The following TRMT44 variants were observed in gnomAD, a reference collection of about 807,000 sequenced individuals.
TRMT44 encodes tRNA methyltransferase 44 homolog, also known as probable tRNA (uracil-O(2)-)-methyltransferase.
In TRMT44, 78 loss-of-function variants were observed where a neutral mutation model predicts 77.3. The ratio of observed to expected loss-of-function variants is 1.01; its 90% CI spans 0.84 to 1.22. The LOEUF (loss-of-function observed/expected upper bound fraction) is 1.22, where lower values mean the gene tolerates loss of function less well. Ranked by LOEUF, TRMT44 falls within the 50% of genes most tolerant of loss-of-function variation. The pLI, the probability that TRMT44 is intolerant of heterozygous loss-of-function variation, is 0.00. For missense variants in TRMT44, 1,090 were observed against 964.4 expected, an observed-to-expected ratio of 1.13 and a Z score of -1.73; for synonymous variants, 391 against 383.3, an observed-to-expected ratio of 1.02 and a Z score of -0.23.
Position 8,475,842 on chromosome 4 carries a change from G to A in TRMT44, c.2115G>A (p.Ala705=), listed in dbSNP as rs545484043. 9.3e-6 allele frequency: 15 copies of A among 1,614,194 alleles called. No individual in the cohort carries two copies. In the South Asian group the frequency reaches 9.9e-5, roughly 11 times the overall value. Residue 705 remains alanine (A), a synonymous_variant, in exon 11 of 11, where the codon GCG becomes GCA. Transcript: ENST00000389737. The part of the protein sequence containing the change: ...ETLWKTKQPE[A]KQRLLSEACK... ...TGTGGAAGACAAAGCAACCGGAAGC[G>A]AAACAGAGACTGCTCTCTGAAGCCT...
At chr4:8,487,563 C>T (rs765214032) in intron 2 of TRMT44, among the ~76,000 whole-genome samples, 27 of 148,268 alleles carry the variant, frequency 1.8e-4, no homozygotes, top group Admixed American at 7.4e-4. Flanking sequence ...AATAAGGGAT[C>T]GGGGTGCAGA....
exon 3 of TRMT44, chr4:8,493,269 C>A (rs565807200): frequency 8.5e-4 from 130 of 152,274 alleles, no homozygotes; most frequent in Middle Eastern, 3.4e-3. Context: ...TTTACAGACC[C>A]TGTATTCAGT....
the TRMT44 span, among the ~76,000 whole-genome samples, chr4:8,499,761 G>A: frequency 6.6e-6 from 1 of 152,234 alleles, no homozygotes; most frequent in African/African-American, 2.4e-5. Context: ...ACCTACTTGA[G>A]GGAGGAGGTT....
intron 3 of TRMT44, 24 bp downstream of exon 3, chr4:8,449,912 A>AT: frequency 1.5e-6 from 1 of 675,508 alleles, no homozygotes; most frequent in Non-Finnish European, 2.0e-6. Flanking sequence ...AGAATATCTG[A>AT]TTTTTCCCCC....
At chr4:8,500,895 G>GA in the TRMT44 span, among the ~76,000 whole-genome samples, 3 of 152,182 alleles carry the variant, frequency 2.0e-5, no homozygotes, top group Non-Finnish European at 4.4e-5. Flanking sequence ...CTCCTGGCCT[G>GA]AAGGGATCTG....
chr4:8,457,239 G>A lies in TRMT44; in HGVS notation c.1203+2426G>A, dbSNP rs77124137. Among the ~76,000 whole-genome samples, 131 of 152,248 alleles carry A rather than the reference G, an allele frequency of 8.6e-4. 1 individual carries two copies. The highest frequency in any genetic ancestry group is 3.1e-3 in the African/African-American group (129 of 41,538). On this transcript the variant is annotated intron_variant, in intron 6 of 10. Transcript: ENST00000389737. ...TGGAATCAGATTTATGATCAGGACT[G>A]CCCTTATCTGTAAAGCTGCTAAGCC...
At chr4:8,476,979 A>T (rs976549243), downstream of TRMT44, 2 of 152,186 alleles carry the variant, frequency 1.3e-5, no homozygotes, top group Non-Finnish European at 2.9e-5. Context: ...GGGTTCATGC[A>T]GTCCTCCCAC....
chr4:8,460,439 T>A (rs1726072149), intron 6 of TRMT44, among the ~76,000 whole-genome samples: 1 of 152,240 alleles, frequency 6.6e-6, no homozygotes, highest in Non-Finnish European at 1.5e-5. Flanking sequence ...CTCTATCACT[T>A]ACCCTCAAGC....
intron 9 of TRMT44, 103 bp from the exon 10 acceptor site, chr4:8,470,981 G>GC (rs1726951442): frequency 2.6e-6 from 2 of 755,616 alleles, no homozygotes; most frequent in Admixed American, 4.4e-5. Context: ...AGTGCATAAC[G>GC]CGTGTGAGTG....
chr4:8,468,503 T>C, intron 9 of TRMT44, 157 bp downstream of exon 9: 2 of 709,550 alleles, frequency 2.8e-6, no homozygotes, highest in East Asian at 5.3e-5. Flanking sequence ...TCAAGCAAAT[T>C]CTTTAAAATT....
chr4:8,513,364 G>C, the TRMT44 span, among the ~76,000 whole-genome samples: 1 of 152,142 alleles, frequency 6.6e-6, no homozygotes, highest in Non-Finnish European at 1.5e-5. Context: ...ACTATCACGA[G>C]AACAGCACAG....
chr4:8,441,439 A>T lies in TRMT44; in HGVS notation c.617A>T (p.Gln206Leu). The change falls in exon 1 of 11, where the codon CAA becomes CTA. Residue 206 changes from glutamine to leucine, a missense_variant and splice_region_variant. Physicochemically the swap from Gln to Leu is moderately radical, Grantham distance 113. Transcript: ENST00000389737. Reference sequence around the variant, plus strand: ...ACTCCCAGGAGGGAAATAGTCGTGCAAGGTAAGAGTGTTTTGATAGTGGAC... The same window carrying T: ...ACTCCCAGGAGGGAAATAGTCGTGCTAGGTAAGAGTGTTTTGATAGTGGAC... ...LTTPRREIVVQDVLNGTITFL... is the reference protein window; with the variant it reads ...LTTPRREIVVLDVLNGTITFL... The T allele has an allele frequency of 6.6e-7, 1 of 1,506,640 alleles. No homozygotes were observed. The highest frequency in any genetic ancestry group is 1.2e-5 in the South Asian group (1 of 80,652). 93.3% of individuals were successfully genotyped at this position (1,506,640 alleles called of 1,614,324 possible).
the TRMT44 span, among the ~76,000 whole-genome samples, chr4:8,504,887 C>T: frequency 6.6e-6 from 1 of 152,182 alleles, no homozygotes; most frequent in Admixed American, 6.5e-5. The surrounding 1 kb of genome is among the most constrained non-coding windows in gnomAD (Gnocchi z 5.3). Flanking sequence ...TCTAAATAGG[C>T]CCCCGCAGGG....
At chr4:8,490,881 G>A (rs1220261154) in intron 2 of TRMT44, among the ~76,000 whole-genome samples, 1 of 152,156 alleles carries the variant, frequency 6.6e-6, no homozygotes, top group Non-Finnish European at 1.5e-5. Context: ...TACAATCCCT[G>A]AGCTAGATAC....
chr4:8,483,226 G>A (rs1727683087), intron 2 of TRMT44, among the ~76,000 whole-genome samples: 2 of 152,220 alleles, frequency 1.3e-5, no homozygotes, highest in South Asian at 4.1e-4. Context: ...AGTCCTGCCA[G>A]CAAAGATTAT....
At chr4:8,504,654 T>C in the TRMT44 span, among the ~76,000 whole-genome samples, 3 of 152,090 alleles carry the variant, frequency 2.0e-5, no homozygotes, top group African/African-American at 7.2e-5. The surrounding 1 kb of genome is among the most constrained non-coding windows in gnomAD (Gnocchi z 5.3). Flanking sequence ...GTTCCCTTCA[T>C]CCTCCCTGTG....
the TRMT44 span, chr4:8,510,917 T>C: frequency 6.6e-6 from 1 of 152,634 alleles, no homozygotes; most frequent in African/African-American, 2.4e-5. Context: ...GCAGTGACCA[T>C]CATCACCCAA....
the TRMT44 span, among the ~76,000 whole-genome samples, chr4:8,499,750 G>T: frequency 6.6e-6 from 1 of 152,182 alleles, no homozygotes; most frequent in Non-Finnish European, 1.5e-5. Context: ...CAGACATGGG[G>T]ACCTACTTGA....
At chr4:8,465,666 TCTA>T in intron 8 of TRMT44, 105 bp downstream of exon 8, 1 of 1,035,820 alleles carries the variant, frequency 9.7e-7, no homozygotes, top group Non-Finnish European at 1.4e-6. Flanking sequence ...TTCAAAATGT[TCTA>T]GAACGTGCCG....
Sources: gnomAD v4.1 joint callset for allele counts (sites outside exome capture counted in the v4.1 genomes callset) on GRCh38, gnomAD v4.1.1 for gene constraint, Gnocchi (gnomAD v3.1) non-coding constraint, MANE v1.5 for transcripts, NCBI Gene and HGNC (gene_info 2026-07-23, HGNC 2026-07-21) for gene names.